Variants in RORA observed in about 807,000 individuals in gnomAD.
RORA encodes RAR related orphan receptor A.
RORA carries 7 observed loss-of-function variants against 69.5 expected under a neutral mutation model. The observed-to-expected ratio is 0.10, with a 90% confidence interval of 0.06 to 0.19. The LOEUF is 0.19. RORA is among the 10% of genes least tolerant of loss of function. The pLI, the probability that RORA is intolerant of heterozygous loss-of-function variation, is 1.00. For synonymous variants in RORA, 261 were observed against 240.8 expected, an observed-to-expected ratio of 1.08 and a Z score of -0.78; for missense variants, 457 against 663.0, an observed-to-expected ratio of 0.69 and a Z score of 3.41.
chr15:61,171,220 G>C (rs1454117871), intron 1 of RORA, among the ~76,000 whole-genome samples: 2 of 152,064 alleles, frequency 1.3e-5, no homozygotes, highest in African/African-American at 4.8e-5. Flanking sequence ...TTGCTTCTCC[G>C]GTGTCCTCCA....
At chr15:61,014,605 A>C (rs1895215862) in intron 1 of RORA, among the ~76,000 whole-genome samples, 1 of 152,236 alleles carries the variant, frequency 6.6e-6, no homozygotes, top group Non-Finnish European at 1.5e-5. Flanking sequence ...AAGAGAAAAT[A>C]CAGGTTAACT....
chr15:60,573,790 C>T (rs974217475), intron 2 of RORA, among the ~76,000 whole-genome samples: 2 of 152,240 alleles, frequency 1.3e-5, no homozygotes, highest in Non-Finnish European at 2.9e-5. Context: ...CTGATTTGTG[C>T]TCCTCCTCTG....
intron 1 of RORA, among the ~76,000 whole-genome samples, chr15:61,043,724 G>C (rs1344400769): frequency 6.6e-6 from 1 of 152,142 alleles, no homozygotes; most frequent in East Asian, 1.9e-4. Flanking sequence ...TAAAAGCACA[G>C]AGTGCAGGGG....
At chr15:60,792,075 A>G (rs1029961621) in intron 1 of RORA, among the ~76,000 whole-genome samples, 5 of 152,208 alleles carry the variant, frequency 3.3e-5, no homozygotes, top group Admixed American at 3.3e-4. Context: ...AAATGAACAG[A>G]TATGGGACTT....
intron 2 of RORA, among the ~76,000 whole-genome samples, chr15:60,604,992 C>G (rs1156523758): frequency 6.6e-6 from 1 of 152,134 alleles, no homozygotes; most frequent in Non-Finnish European, 1.5e-5. Context: ...ATAAAATATA[C>G]TAACAAACAG....
chr15:60,654,081 C>T (rs968083001), intron 2 of RORA, among the ~76,000 whole-genome samples: 3 of 152,134 alleles, frequency 2.0e-5, no homozygotes, highest in Non-Finnish European at 2.9e-5. Flanking sequence ...TTTAGCATGC[C>T]TGTCATTTTA....
chr15:61,032,883 A>G (rs555516566), intron 1 of RORA, among the ~76,000 whole-genome samples: 17 of 152,216 alleles, frequency 1.1e-4, no homozygotes, highest in Admixed American at 3.3e-4. Context: ...CTATATAAAT[A>G]TTACATGCGT....
intron 1 of RORA, among the ~76,000 whole-genome samples, chr15:61,121,627 C>T (rs1241656369): frequency 6.6e-6 from 1 of 152,092 alleles, no homozygotes; most frequent in Non-Finnish European, 1.5e-5. Context: ...GAAATGCCCT[C>T]CTAACAAGAC....
chr15:61,066,394 A>G (rs1197006244), intron 1 of RORA, among the ~76,000 whole-genome samples: 1 of 148,326 alleles, frequency 6.7e-6, no homozygotes, highest in Admixed American at 6.7e-5. Context: ...AACTTGCACA[A>G]TTGTGGGAAG....
intron 1 of RORA, among the ~76,000 whole-genome samples, chr15:60,714,127 C>T (rs972026569): frequency 6.6e-6 from 1 of 151,996 alleles, no homozygotes; most frequent in Non-Finnish European, 1.5e-5. Flanking sequence ...GGTCTCAGCT[C>T]ACTGCAACCT....
At chr15:60,505,716 G>C in intron 5 of RORA, 87 bp from the exon 6 acceptor site, 1 of 1,472,066 alleles carries the variant, frequency 6.8e-7, no homozygotes, top group Non-Finnish European at 9.4e-7. Context: ...GAAATAACAA[G>C]TAGAAAACAA....
At chr15:61,118,811 A>C (rs930700981) in intron 1 of RORA, among the ~76,000 whole-genome samples, 4 of 152,146 alleles carry the variant, frequency 2.6e-5, no homozygotes, top group African/African-American at 9.7e-5. Flanking sequence ...TCCACATTTA[A>C]AACTCCCAAC....
chr15:60,865,723 C>A (rs902824845), intron 1 of RORA, among the ~76,000 whole-genome samples: 6 of 152,204 alleles, frequency 3.9e-5, no homozygotes, highest in Admixed American at 3.9e-4. Flanking sequence ...TTCCTGGAAA[C>A]AGCCCCTTCC....
At chr15:61,008,199 CTCTCTGTG>C (rs1290846996) in intron 1 of RORA, among the ~76,000 whole-genome samples, 9 of 82,400 alleles carry the variant, frequency 1.1e-4, no homozygotes, top group Non-Finnish European at 1.7e-4. Context: ...AATTCTCTCT[CTCTCTGTG>C]TGTGTGTGTG....
At chr15:60,801,283 C>T (rs889708859) in intron 1 of RORA, among the ~76,000 whole-genome samples, 1 of 152,178 alleles carries the variant, frequency 6.6e-6, no homozygotes, top group Non-Finnish European at 1.5e-5. Context: ...CCCCCTCCTT[C>T]GACAGCTTTA....
intron 1 of RORA, among the ~76,000 whole-genome samples, chr15:61,052,900 T>A (rs1294987309): frequency 6.6e-6 from 1 of 152,218 alleles, no homozygotes; most frequent in Non-Finnish European, 1.5e-5. Context: ...ACCTAGCTGT[T>A]CGCCGGTACA....
In RORA at chr15:61,027,290, T is replaced by C. The variant is rs145676092; in HGVS notation, c.166+201763A>G. Reference sequence around the variant, plus strand: ...TAACATTTTAGTCCCAATTTCATTTTAGTCTTGGCCTGAAAACGTATTAAC... The same window carrying C: ...TAACATTTTAGTCCCAATTTCATTTCAGTCTTGGCCTGAAAACGTATTAAC... On this transcript the variant is annotated intron_variant, in intron 1 of 10. Transcript: ENST00000335670. Among the ~76,000 whole-genome samples, 11 of 152,356 alleles carry C rather than the reference T, an allele frequency of 7.2e-5. No individual in the cohort carries two copies. In the East Asian group the frequency reaches 2.1e-3, roughly 29 times the overall value.
At chr15:60,633,682 C>A (rs762758605) in intron 2 of RORA, among the ~76,000 whole-genome samples, 1 of 152,176 alleles carries the variant, frequency 6.6e-6, no homozygotes, top group Non-Finnish European at 1.5e-5. Context: ...GAGACCAAGT[C>A]CCCAAGTTCA....
intron 2 of RORA, among the ~76,000 whole-genome samples, chr15:60,586,437 G>A (rs1346456936): frequency 1.3e-5 from 2 of 151,966 alleles, no homozygotes; most frequent in Non-Finnish European, 2.9e-5. Context: ...AGGGACAGCA[G>A]ATATTACGTA....
Sources: gnomAD v4.1 joint callset for allele counts (sites outside exome capture counted in the v4.1 genomes callset) on GRCh38, gnomAD v4.1.1 for gene constraint, MANE v1.5 for transcripts, NCBI Gene and HGNC (gene_info 2026-07-23, HGNC 2026-07-21) for gene names.